Variants in CNKSR2 observed in about 807,000 individuals in gnomAD.
CNKSR2 encodes connector enhancer of kinase suppressor of Ras 2, also known as CNK homolog protein 2.
CNKSR2 carries 14 observed loss-of-function variants against 84.4 expected under a neutral mutation model. The observed-to-expected ratio is 0.17, with a 90% CI of 0.11 to 0.26. The LOEUF (loss-of-function observed/expected upper bound fraction) is 0.26, where lower values mean the gene tolerates loss of function less well. Among genes scored for constraint, CNKSR2 ranks in the 10% least tolerant of loss-of-function variants. The probability of loss-of-function intolerance (pLI) is 1.00; values close to 1 mark genes in which losing one functional copy is unlikely to be tolerated. For missense variants in CNKSR2, 485 were observed against 771.2 expected (o/e 0.63, Z 4.40); for synonymous variants, 275 against 277.9 (o/e 0.99, Z 0.10).
intron 19 of CNKSR2, among the ~76,000 whole-genome samples, chrX:21,607,637 C>T (rs1430205434): frequency 9.0e-6 from 1 of 110,862 alleles, no homozygotes. Context: ...AACCCCATCT[C>T]TACTAAAAAT....
At chrX:21,526,816 G>T (rs2091839684) in intron 9 of CNKSR2, 51 bp from the exon 10 acceptor site, 1 of 972,206 alleles carries the variant, frequency 1.0e-6, no homozygotes, top group Non-Finnish European at 1.4e-6. Context: ...TGTTGTTGTT[G>T]TTTTGTGTGT....
intron 8 of CNKSR2, chrX:21,506,874 T>G (rs1230072932): frequency 9.0e-6 from 1 of 111,245 alleles, no homozygotes. Flanking sequence ...TAAGTTTATT[T>G]CATGTGTTTA....
At chrX:21,642,851 C>T (rs1211227381) in intron 20 of CNKSR2, 9 of 743,178 alleles carry the variant, frequency 1.2e-5, no homozygotes, top group Admixed American at 1.8e-4. Flanking sequence ...AATAAAATCA[C>T]ATTGATCTGC....
At chrX:21,589,620 C>T (rs1224634679) in intron 13 of CNKSR2, among the ~76,000 whole-genome samples, 2 of 111,728 alleles carry the variant, frequency 1.8e-5, no homozygotes, top group South Asian at 3.7e-4. Context: ...GATGTGTAGT[C>T]ATTAATTGAA....
intron 15 of CNKSR2, chrX:21,594,629 T>G (rs1236646901): frequency 8.1e-6 from 1 of 124,168 alleles, no homozygotes; most frequent in Admixed American, 9.1e-5. Context: ...AAAAGTGGAC[T>G]ACATTTATTT....
At chrX:21,642,283 CTT>C in intron 20 of CNKSR2, 1 of 751,993 alleles carries the variant, frequency 1.3e-6, no homozygotes, top group Non-Finnish European at 1.6e-6. Context: ...ATTATAGAAT[CTT>C]CAGCTAAAAT....
intron 13 of CNKSR2, among the ~76,000 whole-genome samples, chrX:21,570,614 C>T (rs113440736): frequency 1.8e-5 from 2 of 112,192 alleles, no homozygotes; most frequent in South Asian, 7.5e-4. Flanking sequence ...CCTCACTAAG[C>T]TTAATCATTT....
chrX:21,630,584 G>C (rs1263546716), intron 20 of CNKSR2, among the ~76,000 whole-genome samples: 2 of 111,320 alleles, frequency 1.8e-5, no homozygotes, highest in Admixed American at 9.6e-5. Context: ...CTAAGATTCA[G>C]ACAGACATTG....
intron 13 of CNKSR2, among the ~76,000 whole-genome samples, chrX:21,579,183 T>G (rs181418058): frequency 8.9e-6 from 1 of 112,165 alleles, no homozygotes; most frequent in East Asian, 2.8e-4. Context: ...TCTCCAAAAC[T>G]GACACAAATT....
chrX:21,492,342 A>C (rs2091450702), intron 6 of CNKSR2: 1 of 111,299 alleles, frequency 9.0e-6, no homozygotes, highest in Non-Finnish European at 1.9e-5. Flanking sequence ...AGTTTAGGAG[A>C]GAGCTAGAAG....
intron 1 of CNKSR2, among the ~76,000 whole-genome samples, chrX:21,415,810 TATACA>T (rs1355573130): frequency 1.0e-5 from 1 of 99,460 alleles, no homozygotes; most frequent in African/African-American, 3.7e-5. Flanking sequence ...TATATACATA[TATACA>T]ATACATATAT....
intron 20 of CNKSR2, among the ~76,000 whole-genome samples, chrX:21,624,644 A>G (rs1393089867): frequency 9.0e-6 from 1 of 111,005 alleles, no homozygotes; most frequent in Non-Finnish European, 1.9e-5. Context: ...TTTTTGGTAG[A>G]GATGGGGTTT....
intron 1 of CNKSR2, among the ~76,000 whole-genome samples, chrX:21,419,246 A>T (rs1018534930): frequency 1.8e-4 from 20 of 110,440 alleles, no homozygotes; most frequent in African/African-American, 6.3e-4. Flanking sequence ...TGATTCTTTT[A>T]GATTATTTCA....
chrX:21,393,547 C>T (rs1052059332), intron 1 of CNKSR2, among the ~76,000 whole-genome samples: 11 of 112,093 alleles, frequency 9.8e-5, no homozygotes, highest in African/African-American at 3.6e-4. Flanking sequence ...TGTTTCAATG[C>T]TTTCCAATAA....
chrX:21,560,621 C>T (rs1041675366), intron 11 of CNKSR2, among the ~76,000 whole-genome samples: 1 of 111,267 alleles, frequency 9.0e-6, no homozygotes, highest in Non-Finnish European at 1.9e-5. Flanking sequence ...ATTTATTAAG[C>T]GACTATTTCA....
rs1254274463 is a variant in CNKSR2 at position 21,565,722 on chromosome X, T to C, written c.1608+2270T>C. On this transcript the variant is annotated intron_variant, in intron 13 of 21. Transcript: ENST00000379510. ...GGTTTAGAAGAAGCAAAATAATCGC[T>C]AACCCCCAAGTGCGTATTGGATATC... is the stretch of plus-strand genomic sequence containing the variant. Among the ~76,000 whole-genome samples, 4 of 111,221 alleles carry C rather than the reference T, an allele frequency of 3.6e-5. No individual in the cohort carries two copies. In the Admixed American group the frequency reaches 3.8e-4, roughly 11 times the overall value.
chrX:21,451,735 T>G (rs2090933314), intron 4 of CNKSR2, among the ~76,000 whole-genome samples: 1 of 101,759 alleles, frequency 9.8e-6, no homozygotes, highest in Admixed American at 1.0e-4. Context: ...CATTAGGAGA[T>G]ATACCTAATG....
In CNKSR2 at chrX:21,606,932, T is replaced by A. The variant is rs2092520999; in HGVS notation, c.2145+53T>A. 4 of 651,670 alleles carry A rather than the reference T, an allele frequency of 6.1e-6. No individual in the cohort carries two copies. In the Admixed American group the frequency reaches 9.7e-5, roughly 16 times the overall value. 53.7% of individuals were successfully genotyped at this position (651,670 alleles called of 1,213,427 possible). On this transcript the variant is annotated intron_variant, in intron 19 of 21. Transcript: ENST00000379510. Reference sequence around the variant, plus strand: ...TCACCAGATTCTTCTACCTGAAACATCCTTTTGTATGTTAAAAACATATGT... The same window carrying A: ...TCACCAGATTCTTCTACCTGAAACAACCTTTTGTATGTTAAAAACATATGT...
At chrX:21,602,473 A>T (rs1049881864) in intron 18 of CNKSR2, among the ~76,000 whole-genome samples, 2 of 111,967 alleles carry the variant, frequency 1.8e-5, no homozygotes, top group African/African-American at 6.5e-5. Flanking sequence ...ACTCTTTTTT[A>T]AAAAACACCT....
Sources: allele counts gnomAD v4.1 joint callset (sites outside exome capture counted in the v4.1 genomes callset), GRCh38; gene constraint gnomAD v4.1.1; transcripts MANE v1.5; gene names NCBI Gene and HGNC (gene_info 2026-07-23, HGNC 2026-07-21).